ALDH1L2: variants seen among roughly 807,000 people sequenced by gnomAD.
ALDH1L2 encodes the protein aldehyde dehydrogenase 1 family member L2.
A neutral mutation model predicts 111.0 loss-of-function variants in ALDH1L2; 91 were observed. The observed-to-expected ratio is 0.82, with a 90% CI of 0.69 to 0.98. The LOEUF is 0.98. Ranked by LOEUF, ALDH1L2 falls within the 50% of genes least tolerant of loss-of-function variation. The probability of loss-of-function intolerance (pLI) is 0.00; values close to 1 mark genes in which losing one functional copy is unlikely to be tolerated. For missense variants in ALDH1L2, 995 were observed against 1,126.8 expected (o/e 0.88, Z 1.67); for synonymous variants, 374 against 392.6 (o/e 0.95, Z 0.56).
rs146229377 is a variant in ALDH1L2, at chr12:105,024,421, G to T, written c.*3C>A. 1.1e-4 allele frequency: 170 copies of T among 1,613,868 alleles called. 2 individuals carry two copies. In the East Asian group the frequency reaches 2.8e-3, roughly 26 times the overall value. ...TCAAGGCTTTCCTGATGATGGTGTTGCTCTAATATTCCAGTGTCACCGTCT... is the reference window on the plus strand; with the variant it reads ...TCAAGGCTTTCCTGATGATGGTGTTTCTCTAATATTCCAGTGTCACCGTCT... On this transcript the variant is annotated 3_prime_UTR_variant, in exon 23 of 23. Transcript: ENST00000258494.
At chr12:105,074,466 A>AAAAAAAAAAAAAAC (rs1877923744) in intron 1 of ALDH1L2, among the ~76,000 whole-genome samples, 1 of 58,020 alleles carries the variant, frequency 1.7e-5, no homozygotes, top group African/African-American at 4.0e-5. Context: ...TCCAAAAAAA[A>AAAAAAAAAAAAAAC]AAAAAAAAAA....
In ALDH1L2 at chr12:105,058,217, C is replaced by T; in HGVS notation, c.1143G>A (p.Leu381=). Residue 381 remains leucine, a synonymous_variant, in exon 10 of 23, where the codon CTG becomes CTA. Transcript: ENST00000258494. ...SGASSMDVAR[L]VEEIRQKCGG... ...CACATTTCTGTCTGATCTCTTCAAC[C>T]AGCCTTAAAGTAAAAACCAGCTTCG... 1 of 1,604,364 alleles carries T rather than the reference C, an allele frequency of 6.2e-7. No individual in the cohort carries two copies. The highest frequency in any genetic ancestry group is 8.5e-7 in the Non-Finnish European group (1 of 1,176,914).
intron 1 of ALDH1L2, among the ~76,000 whole-genome samples, chr12:105,079,491 G>C (rs1319803482): frequency 2.0e-5 from 3 of 152,178 alleles, no homozygotes; most frequent in African/African-American, 7.2e-5. Flanking sequence ...GGTGATGCCA[G>C]AGGGGGATGC....
At chr12:105,059,068 A>G (rs1876820950) in intron 9 of ALDH1L2, among the ~76,000 whole-genome samples, 1 of 151,910 alleles carries the variant, frequency 6.6e-6, no homozygotes, top group Non-Finnish European at 1.5e-5. Flanking sequence ...GGAGATCGAG[A>G]CCACCCTGGC....
intron 12 of ALDH1L2, 46 bp downstream of exon 12, chr12:105,052,044 C>G (rs1312768836): frequency 2.0e-6 from 3 of 1,469,900 alleles, no homozygotes; most frequent in Non-Finnish European, 2.7e-6. Flanking sequence ...CCTGTCTCTA[C>G]CAGAGTTACT....
intron 13 of ALDH1L2, among the ~76,000 whole-genome samples, chr12:105,047,206 T>C (rs1459297776): frequency 6.6e-6 from 1 of 152,222 alleles, no homozygotes; most frequent in African/African-American, 2.4e-5. Flanking sequence ...TTGCTTGGCC[T>C]GGCAGAGAAT....
chr12:105,050,568 T>C (rs1454126222), intron 12 of ALDH1L2: 1 of 378,378 alleles, frequency 2.6e-6, no homozygotes, highest in Non-Finnish European at 5.3e-6. Context: ...ATCTTTTGTG[T>C]TCAACTTCTC....
chr12:105,068,750 C>A lies in ALDH1L2; in HGVS notation c.563G>T (p.Arg188Leu). The A allele has an allele frequency of 1.3e-6, 2 of 1,555,282 alleles. No homozygotes were observed. The highest frequency in any genetic ancestry group is 2.5e-5 in the South Asian group (2 of 79,340). Reference protein sequence around the residue: ...PNDTVDALYNRFLFPEGIKAM... With the variant: ...PNDTVDALYNLFLFPEGIKAM... Reference sequence around the variant, plus strand: ...CTTGATTCCTTCAGGAAAAAGAAACCGATTATAAAGTGCATCCACTGTATC... The same window carrying A: ...CTTGATTCCTTCAGGAAAAAGAAACAGATTATAAAGTGCATCCACTGTATC... The change falls in exon 4 of 23, where the codon CGG (arginine) becomes CTG (leucine). Residue 188 changes from arginine to leucine, a missense_variant. Transcript: ENST00000258494.
chr12:105,059,449 A>C (rs1876853751), intron 9 of ALDH1L2, among the ~76,000 whole-genome samples: 2 of 152,040 alleles, frequency 1.3e-5, no homozygotes, highest in Admixed American at 6.6e-5. Flanking sequence ...TGATCACACC[A>C]CTGCACTCCA....
At chr12:105,063,393 G>A (rs904888170) in intron 6 of ALDH1L2, among the ~76,000 whole-genome samples, 17 of 151,944 alleles carry the variant, frequency 1.1e-4, no homozygotes, top group Non-Finnish European at 1.9e-4. Context: ...GGAGAATGGC[G>A]TGAACCCGGG....
At chr12:105,063,046 T>C (rs769465189) in intron 6 of ALDH1L2, 24 bp from the exon 7 acceptor site, 9 of 1,601,186 alleles carry the variant, frequency 5.6e-6, no homozygotes, top group Non-Finnish European at 6.8e-6. Flanking sequence ...CAAACACAGA[T>C]TGTAAAATCA....
intron 1 of ALDH1L2, among the ~76,000 whole-genome samples, chr12:105,074,480 AAAAGAAAAGAAAAAG>A: frequency 7.6e-6 from 1 of 131,688 alleles, no homozygotes; most frequent in Non-Finnish European, 1.7e-5. Context: ...AAAAAAAAAA[AAAAGAAAAGAAAAAG>A]AAAGAAAGAA....
chr12:105,066,362 G>A (rs1038561225), intron 5 of ALDH1L2, among the ~76,000 whole-genome samples: 3 of 152,032 alleles, frequency 2.0e-5, no homozygotes, highest in African/African-American at 4.8e-5. Flanking sequence ...CAAATTTTGA[G>A]TGGTCTTCCA....
chr12:105,052,739 G>T, intron 11 of ALDH1L2, 73 bp downstream of exon 11: 1 of 1,574,190 alleles, frequency 6.4e-7, no homozygotes, highest in Admixed American at 1.8e-5. Flanking sequence ...TCTTAAGACT[G>T]CCTCTTTTAC....
intron 15 of ALDH1L2, among the ~76,000 whole-genome samples, chr12:105,045,691 T>G (rs1875802131): frequency 6.6e-6 from 1 of 152,158 alleles, no homozygotes; most frequent in African/African-American, 2.4e-5. Flanking sequence ...TATACCTACT[T>G]TTTCAAATAA....
At chr12:105,053,291 T>C (rs907716106) in intron 10 of ALDH1L2, among the ~76,000 whole-genome samples, 1 of 152,258 alleles carries the variant, frequency 6.6e-6, no homozygotes, top group African/African-American at 2.4e-5. Flanking sequence ...TCATTGAAAA[T>C]GCCTTTGTCA....
chr12:105,070,424 A>T (rs1405469309), intron 3 of ALDH1L2, 146 bp downstream of exon 3: 1 of 667,198 alleles, frequency 1.5e-6, no homozygotes, highest in Non-Finnish European at 2.5e-6. Context: ...AAAAAGTCTC[A>T]CTGGGTGTTC....
intron 15 of ALDH1L2, among the ~76,000 whole-genome samples, chr12:105,044,450 C>G (rs1358176796): frequency 6.6e-6 from 1 of 151,230 alleles, no homozygotes; most frequent in African/African-American, 2.4e-5. Flanking sequence ...CCAGTGGGGC[C>G]CAATATCAGC....
At chr12:105,059,575 T>G (rs947698151) in intron 9 of ALDH1L2, among the ~76,000 whole-genome samples, 3 of 152,108 alleles carry the variant, frequency 2.0e-5, no homozygotes, top group Admixed American at 6.6e-5. Flanking sequence ...AGCTGAGAAA[T>G]CTATAATTTG....
Sources: gnomAD v4.1 joint callset for allele counts (sites outside exome capture counted in the v4.1 genomes callset) on GRCh38, gnomAD v4.1.1 for gene constraint, MANE v1.5 for transcripts, NCBI Gene and HGNC (gene_info 2026-07-23, HGNC 2026-07-21) for gene names.